ASTN2: variants seen among roughly 807,000 people sequenced by gnomAD.
ASTN2 encodes astrotactin-2.
In ASTN2, 54 loss-of-function variants were observed where a neutral mutation model predicts 139.8. The observed-to-expected ratio is 0.39, with a 90% CI of 0.31 to 0.48. The LOEUF (loss-of-function observed/expected upper bound fraction) is 0.48, where lower values mean the gene tolerates loss of function less well. Among genes scored for constraint, ASTN2 ranks in the 20% least tolerant of loss-of-function variants. The probability of loss-of-function intolerance (pLI) is 0.95; values close to 1 mark genes in which losing one functional copy is unlikely to be tolerated. For synonymous variants in ASTN2, 756 were observed against 719.5 expected, an observed-to-expected ratio of 1.05 and a Z score of -0.81; for missense variants, 1,565 against 1,725.1, an observed-to-expected ratio of 0.91 and a Z score of 1.64.
chr9:117,266,050 C>T (rs1279111619), intron 2 of ASTN2, among the ~76,000 whole-genome samples: 1 of 152,188 alleles, frequency 6.6e-6, no homozygotes, highest in Non-Finnish European at 1.5e-5. Flanking sequence ...CTCCCTGTGA[C>T]CTACCCAGAT....
intron 17 of ASTN2, among the ~76,000 whole-genome samples, chr9:116,639,624 C>A (rs1857235796): frequency 6.6e-6 from 1 of 152,210 alleles, no homozygotes; most frequent in Non-Finnish European, 1.5e-5. Context: ...GGAAGCCCAG[C>A]ATTGCCCTGG....
chr9:117,299,736 G>A (rs963351012), intron 1 of ASTN2, among the ~76,000 whole-genome samples: 6 of 152,146 alleles, frequency 3.9e-5, no homozygotes, highest in Non-Finnish European at 7.3e-5. Context: ...CGAGCTCAGA[G>A]GTTAATAAAG....
chr9:117,402,461 C>G (rs1234591138), intron 1 of ASTN2, among the ~76,000 whole-genome samples: 1 of 152,150 alleles, frequency 6.6e-6, no homozygotes, highest in Non-Finnish European at 1.5e-5. Flanking sequence ...GCTTGAAAAA[C>G]TAGGCTAATA....
intron 3 of ASTN2, among the ~76,000 whole-genome samples, chr9:117,175,344 G>A (rs1314921150): frequency 2.6e-5 from 4 of 152,136 alleles, no homozygotes; most frequent in African/African-American, 7.2e-5. Flanking sequence ...TTTCATGGAT[G>A]AGAAGTCTAA....
At chr9:117,324,100 C>A (rs1232357065) in intron 1 of ASTN2, among the ~76,000 whole-genome samples, 1 of 152,060 alleles carries the variant, frequency 6.6e-6, no homozygotes, top group Admixed American at 6.6e-5. Flanking sequence ...CAACAGGTGG[C>A]TATGGAAGGT....
At chr9:116,712,556 C>T (rs1828194968) in intron 16 of ASTN2, among the ~76,000 whole-genome samples, 1 of 152,190 alleles carries the variant, frequency 6.6e-6, no homozygotes, top group African/African-American at 2.4e-5. Context: ...TCACAATTAG[C>T]ATCAGCTGGT....
In ASTN2 at chr9:116,971,780, A is replaced by G. The variant is rs536110233; in HGVS notation, c.1889+3428T>C. 3.3e-5 allele frequency among the ~76,000 whole-genome samples: 5 copies of G among 152,362 alleles called. No homozygotes were observed. The East Asian group carries it at 9.6e-4, about 29-fold the overall frequency. The stretch of plus-strand genomic sequence containing the variant: ...AACTAATGCTTCTAAAGAGTTCACC[A>G]GGTAGCAAACTCACTGCTTTACATG... On this transcript the variant is annotated intron_variant, in intron 10 of 22. Transcript: ENST00000313400.
At chr9:117,053,202 A>G (rs1838963065) in intron 5 of ASTN2, among the ~76,000 whole-genome samples, 1 of 152,170 alleles carries the variant, frequency 6.6e-6, no homozygotes, top group South Asian at 2.1e-4. Flanking sequence ...CTGCAATCCC[A>G]GTGCTTTGTG....
At chr9:116,842,306 G>A (rs1832285353) in intron 11 of ASTN2, among the ~76,000 whole-genome samples, 2 of 152,164 alleles carry the variant, frequency 1.3e-5, no homozygotes, top group South Asian at 2.1e-4. Context: ...TAAGCTGGAT[G>A]TTTCCCAATA....
At chr9:117,279,721 C>T (rs937431228) in intron 2 of ASTN2, among the ~76,000 whole-genome samples, 6 of 152,172 alleles carry the variant, frequency 3.9e-5, no homozygotes, top group African/African-American at 1.4e-4. Flanking sequence ...CAACATTTTT[C>T]ATAACTATAA....
intron 13 of ASTN2, among the ~76,000 whole-genome samples, chr9:116,790,212 C>T: frequency 6.6e-6 from 1 of 152,076 alleles, no homozygotes; most frequent in African/African-American, 2.4e-5. Flanking sequence ...AGGCGTGAGC[C>T]CCCACACCCG....
chr9:116,442,348 T>G, intron 21 of ASTN2, 105 bp downstream of exon 21: 1 of 859,088 alleles, frequency 1.2e-6, no homozygotes, highest in Non-Finnish European at 2.0e-6. Context: ...CCTGTGCCAG[T>G]GTGTCAGGGT....
chr9:117,075,290 G>A lies in ASTN2; in HGVS notation c.1276+20754C>T, dbSNP rs12338247. ...CTCCAGCCTCCCCTAGCCCCAGGGA[G>A]TGATTTATCAGCACAGCGTCAGCGC... On this transcript the variant is annotated intron_variant, in intron 5 of 22. Transcript: ENST00000313400. 6.0e-3 allele frequency among the ~76,000 whole-genome samples: 917 copies of A among 152,280 alleles called. 13 individuals are homozygous for A. The highest frequency in any genetic ancestry group is 0.021 in the African/African-American group (862 of 41,544).
intron 2 of ASTN2, among the ~76,000 whole-genome samples, chr9:117,249,958 A>G (rs1263249214): frequency 2.0e-5 from 3 of 152,030 alleles, no homozygotes; most frequent in Non-Finnish European, 4.4e-5. Flanking sequence ...GAAACTCACT[A>G]ACCGCCCACT....
intron 16 of ASTN2, among the ~76,000 whole-genome samples, chr9:116,692,547 G>GA (rs1242647844): frequency 2.0e-5 from 3 of 152,166 alleles, no homozygotes; most frequent in Non-Finnish European, 4.4e-5. Context: ...TAGATAAACT[G>GA]AGAACTACAG....
chr9:116,902,370 C>G (rs1239024710), intron 10 of ASTN2, among the ~76,000 whole-genome samples: 2 of 152,118 alleles, frequency 1.3e-5, no homozygotes, highest in Non-Finnish European at 2.9e-5. Context: ...TTTTGTACAG[C>G]TGTACAATGT....
rs118129876 is a variant in ASTN2, at chr9:117,339,088, G to A, written c.443-47575C>T. Among the ~76,000 whole-genome samples, 111 of 152,172 alleles carry A rather than the reference G, an allele frequency of 7.3e-4. 2 individuals are homozygous for A. In the East Asian group the frequency reaches 0.019, roughly 26 times the overall value. ...CCAGCTTTCCCTCAGGGCAAGCAGA[G>A]GTAATGGGCACAGCAGGATTTAGGC... is the stretch of plus-strand genomic sequence containing the variant. On this transcript the variant is annotated intron_variant, in intron 1 of 22. Coordinates refer to ENST00000313400, the MANE Select transcript of ASTN2 (RefSeq NM_001365068.1).
intron 20 of ASTN2, among the ~76,000 whole-genome samples, chr9:116,486,032 G>T (rs1356748858): frequency 1.3e-5 from 2 of 152,160 alleles, no homozygotes; most frequent in Non-Finnish European, 2.9e-5. Context: ...GGTGTTTCTT[G>T]TTTAATTATC....
chr9:116,484,102 C>T (rs1406967104), intron 20 of ASTN2, among the ~76,000 whole-genome samples: 2 of 152,178 alleles, frequency 1.3e-5, no homozygotes, highest in Non-Finnish European at 2.9e-5. Context: ...GATAGTGGGA[C>T]CCCAACTTGC....
Sources: allele counts gnomAD v4.1 joint callset (sites outside exome capture counted in the v4.1 genomes callset), GRCh38; gene constraint gnomAD v4.1.1; transcripts MANE v1.5; gene names NCBI Gene and HGNC (gene_info 2026-07-23, HGNC 2026-07-21).